FAF1: variants seen among roughly 807,000 people sequenced by gnomAD.
FAF1 encodes the protein Fas associated factor 1.
A neutral mutation model predicts 92.5 loss-of-function variants in FAF1; 25 were observed. That is an observed-to-expected ratio of 0.27 (90% CI 0.20 to 0.38). FAF1 has a LOEUF of 0.38. Ranked by LOEUF, FAF1 falls within the 10% of genes least tolerant of loss-of-function variation. The pLI is 1.00. For synonymous variants in FAF1, 234 were observed against 273.2 expected, an observed-to-expected ratio of 0.86 and a Z score of 1.42; for missense variants, 636 against 793.3, an observed-to-expected ratio of 0.80 and a Z score of 2.38.
chr1:50,932,998 T>G (rs1343519098), intron 1 of FAF1, among the ~76,000 whole-genome samples: 1 of 152,178 alleles, frequency 6.6e-6, no homozygotes, highest in Non-Finnish European at 1.5e-5. Flanking sequence ...CTGGAGCGGC[T>G]GGGACACAGG....
At chr1:50,554,390 T>TATATATATATATATATATAGAGAGAGAG in intron 13 of FAF1, among the ~76,000 whole-genome samples, 11 of 93,692 alleles carry the variant, frequency 1.2e-4, no homozygotes, top group Admixed American at 3.5e-4. Context: ...TATATATATA[T>TATATATATATATATATATAGAGAGAGAG]AGAGAGAGAG....
rs753601347 is a variant in FAF1, at chr1:50,755,240, G to A, written c.368-10465C>T. 1.7e-4 allele frequency among the ~76,000 whole-genome samples: 26 copies of A among 152,120 alleles called. 1 individual carries two copies. Among genetic ancestry groups the A allele is most frequent in the Admixed American group, 1.3e-4 (2 of 15,274 alleles). Reference sequence around the variant, plus strand: ...ACTTCCTAGATACAATGGGGGTACCGGCATTGGATAAATACACCCATTCCA... The same window carrying A: ...ACTTCCTAGATACAATGGGGGTACCAGCATTGGATAAATACACCCATTCCA... On this transcript the variant is annotated intron_variant, in intron 4 of 18. Coordinates refer to ENST00000396153, the MANE Select transcript of FAF1 (RefSeq NM_007051.3).
intron 2 of FAF1, among the ~76,000 whole-genome samples, chr1:50,808,655 T>A (rs1398777939): frequency 1.2e-4 from 18 of 149,204 alleles, no homozygotes; most frequent in African/African-American, 5.0e-5. Context: ...TCAATAAAGA[T>A]TTAAAAAAAA....
chr1:50,839,050 G>C (rs953982327), intron 2 of FAF1, among the ~76,000 whole-genome samples: 1 of 151,956 alleles, frequency 6.6e-6, no homozygotes, highest in African/African-American at 2.4e-5. Flanking sequence ...TTTTTGATGT[G>C]ATCAGAGCAC....
At chr1:50,576,904 C>T (rs970340869) in intron 12 of FAF1, among the ~76,000 whole-genome samples, 10 of 150,846 alleles carry the variant, frequency 6.6e-5, no homozygotes, top group Admixed American at 5.3e-4. Context: ...TGGGATCAAA[C>T]GATCCTCCCA....
At chr1:50,612,013 T>C (rs1256747327) in intron 8 of FAF1, among the ~76,000 whole-genome samples, 1 of 152,182 alleles carries the variant, frequency 6.6e-6, no homozygotes, top group Non-Finnish European at 1.5e-5. Flanking sequence ...ATCACACATA[T>C]TGGTGAACGA....
At chr1:50,591,129 A>G (rs1249136775) in intron 9 of FAF1, among the ~76,000 whole-genome samples, 1 of 152,106 alleles carries the variant, frequency 6.6e-6, no homozygotes, top group African/African-American at 2.4e-5. Context: ...GTTTTCTTCT[A>G]TTTCTAGTTT....
At chr1:50,817,685 T>C (rs1416729327) in intron 2 of FAF1, among the ~76,000 whole-genome samples, 1 of 152,188 alleles carries the variant, frequency 6.6e-6, no homozygotes, top group African/African-American at 2.4e-5. Flanking sequence ...TTAAAAAATT[T>C]AAACAGAAAT....
chr1:50,845,166 T>G (rs571249163), intron 2 of FAF1, among the ~76,000 whole-genome samples: 1 of 152,262 alleles, frequency 6.6e-6, no homozygotes, highest in South Asian at 2.1e-4. Context: ...TCCTTTAAAG[T>G]AAGCATGATA....
At chr1:50,836,951 CTTTTTT>C (rs528322924) in intron 2 of FAF1, among the ~76,000 whole-genome samples, 4 of 76,706 alleles carry the variant, frequency 5.2e-5, no homozygotes, top group African/African-American at 1.0e-4. Context: ...TGTTATGTTT[CTTTTTT>C]TTTTTTTTTT....
At chr1:50,678,129 A>C (rs1656222012) in intron 7 of FAF1, among the ~76,000 whole-genome samples, 1 of 152,190 alleles carries the variant, frequency 6.6e-6, no homozygotes, top group Non-Finnish European at 1.5e-5. Flanking sequence ...TGCCTGACCC[A>C]TGAGTTAATA....
At chr1:50,633,783 C>T (rs1467032492) in intron 8 of FAF1, among the ~76,000 whole-genome samples, 1 of 152,140 alleles carries the variant, frequency 6.6e-6, no homozygotes, top group African/African-American at 2.4e-5. Context: ...CGTCTAATAA[C>T]GATATTCGTT....
intron 6 of FAF1, among the ~76,000 whole-genome samples, chr1:50,709,334 T>C (rs1478075983): frequency 6.6e-6 from 1 of 152,228 alleles, no homozygotes; most frequent in African/African-American, 2.4e-5. Context: ...CTTTGTTTCA[T>C]GTGTGGATAC....
chr1:50,447,405 G>A lies in FAF1; in HGVS notation c.1870-5882C>T, dbSNP rs140054682. On this transcript the variant is annotated intron_variant, in intron 18 of 18. Coordinates refer to ENST00000396153, the MANE Select transcript of FAF1 (RefSeq NM_007051.3). The stretch of plus-strand genomic sequence containing the variant: ...CTCCCAAAGTGCTGGGATTACAGGC[G>A]TGAGCCACCGCGCCTGGCCTATTCC... 1.0e-2 allele frequency among the ~76,000 whole-genome samples: 1,517 copies of A among 152,218 alleles called. 23 individuals carry two copies. The highest frequency in any genetic ancestry group is 0.034 in the African/African-American group (1,426 of 41,526).
chr1:50,751,030 A>G (rs1358058093), intron 4 of FAF1, among the ~76,000 whole-genome samples: 3 of 138,502 alleles, frequency 2.2e-5, no homozygotes, highest in Non-Finnish European at 4.6e-5. Flanking sequence ...TTTCTTATTT[A>G]CTATACTAAT....
intron 7 of FAF1, among the ~76,000 whole-genome samples, chr1:50,691,653 G>A (rs1172385001): frequency 2.6e-5 from 4 of 151,296 alleles, no homozygotes; most frequent in African/African-American, 4.9e-5. Flanking sequence ...GTGCAATGGC[G>A]CGATCTCGGC....
intron 7 of FAF1, among the ~76,000 whole-genome samples, chr1:50,685,412 C>T (rs182052385): frequency 1.1e-3 from 169 of 152,210 alleles, no homozygotes; most frequent in Non-Finnish European, 1.7e-3. Context: ...GTGAGGTAAA[C>T]TACTGCTATA....
intron 13 of FAF1, among the ~76,000 whole-genome samples, chr1:50,551,567 T>C (rs1325634614): frequency 2.6e-5 from 4 of 152,168 alleles, no homozygotes; most frequent in African/African-American, 4.8e-5. Flanking sequence ...TATGAACAAT[T>C]AGAATACAGT....
intron 6 of FAF1, among the ~76,000 whole-genome samples, chr1:50,716,837 C>T (rs1489120633): frequency 6.6e-6 from 1 of 152,176 alleles, no homozygotes; most frequent in Admixed American, 6.5e-5. Context: ...GCTGGCCACC[C>T]CAGCCAGCAG....
Sources: gnomAD v4.1 joint callset for allele counts (sites outside exome capture counted in the v4.1 genomes callset) on GRCh38, gnomAD v4.1.1 for gene constraint, MANE v1.5 for transcripts, NCBI Gene and HGNC (gene_info 2026-07-23, HGNC 2026-07-21) for gene names.